Variants in VCPIP1 observed in about 807,000 individuals in gnomAD.
VCPIP1 encodes the protein valosin containing protein interacting protein 1.
VCPIP1 carries 8 observed loss-of-function variants against 85.0 expected under a neutral mutation model. That is an observed-to-expected ratio of 0.09 (90% CI 0.06 to 0.17). The LOEUF (loss-of-function observed/expected upper bound fraction) is 0.17. Ranked by LOEUF, VCPIP1 falls within the 10% of genes least tolerant of loss-of-function variation. VCPIP1 has a pLI of 1.00. For missense variants in VCPIP1, 1,070 were observed against 1,486.3 expected (o/e 0.72, Z 4.61); for synonymous variants, 543 against 544.5 (o/e 1.00, Z 0.04).
intron 2 of VCPIP1, among the ~76,000 whole-genome samples, chr8:66,646,218 G>A (rs116739031): frequency 0.02 from 3,036 of 151,900 alleles, 96 homozygotes; most frequent in African/African-American, 0.068. Flanking sequence ...GATTATGGGC[G>A]CATGCCACCA....
chr8:66,650,684 T>C (rs887995545), intron 2 of VCPIP1, among the ~76,000 whole-genome samples: 2 of 152,048 alleles, frequency 1.3e-5, no homozygotes, highest in African/African-American at 4.8e-5. Flanking sequence ...TATCTGGTTC[T>C]GGAATACTAG....
In VCPIP1 at chr8:66,633,818, G is replaced by A. The variant is rs1388526709; in HGVS notation, c.*683C>T. 2.0e-5 allele frequency: 3 copies of A among 151,584 alleles called. No homozygotes were observed. The highest frequency in any genetic ancestry group is 4.4e-5 in the Non-Finnish European group (3 of 67,948). The allele number at this position is 151,584 out of a possible 1,614,324, so 9.4% of individuals were successfully genotyped here. ...AAAATAATGGTAACATATTAATAGA[G>A]CACACACAATTGGCTGTGGCTCAGA... On this transcript the variant is annotated 3_prime_UTR_variant, in exon 3 of 3. Coordinates refer to ENST00000310421, the MANE Select transcript of VCPIP1 (RefSeq NM_025054.5).
rs1810870890 is a variant in VCPIP1 at position 66,635,028 on chromosome 8, T to C, written c.3142A>G (p.Thr1048Ala). 1 of 1,613,544 alleles carries C rather than the reference T, an allele frequency of 6.2e-7. No homozygotes were observed. Among genetic ancestry groups the C allele is most frequent in the Non-Finnish European group, 8.5e-7 (1 of 1,179,614 alleles). Residue 1048 changes from threonine to alanine, a missense_variant, in exon 3 of 3, where the codon ACT becomes GCT. Thr to Ala is a moderately conservative substitution (Grantham distance 58). Around this residue, in one of 8 missense-constraint regions of VCPIP1, gnomAD observed 255 missense variants for 289.5 expected, o/e 0.88. Transcript: ENST00000310421. ...GTATTATGCTTTCTTACAACTGAAG[T>C]TTCCCTAGCTCTTGGATCAAGGTGT... ...NPHLDPRARE[T>A]SVVRKHNTGT...
In VCPIP1 at chr8:66,628,727, TA is replaced by T. The variant is rs1810803456; in HGVS notation, c.*5773del. ...GTTTGGGATAACTGTAGCCAACACC[TA>T]AAGGAAAGGTAATTATGTTTTAGTT... is the stretch of plus-strand genomic sequence containing the variant. On this transcript the variant is annotated 3_prime_UTR_variant, in exon 3 of 3. Transcript: ENST00000310421. The T allele has an allele frequency of 6.6e-6, 1 of 152,274 alleles. No individual in the cohort carries two copies. The highest frequency in any genetic ancestry group is 1.9e-4 in the East Asian group (1 of 5,180). 9.4% of individuals were successfully genotyped at this position (152,274 alleles called of 1,614,324 possible).
chr8:66,660,123 C>T (rs1378145192), intron 1 of VCPIP1, among the ~76,000 whole-genome samples: 1 of 152,124 alleles, frequency 6.6e-6, no homozygotes, highest in Admixed American at 6.5e-5. Context: ...TAATGGAGGG[C>T]AAGCACTGAC....
Position 66,652,552 on chromosome 8 carries a change from G to T in VCPIP1, c.2711-1008C>A, listed in dbSNP as rs112125787. The stretch of plus-strand genomic sequence containing the variant: ...AGCTTGAACCCAGAAAGTGGAGGTT[G>T]CAGTGAGCTGAGATCGTGCCATTGC... On this transcript the variant is annotated intron_variant, in intron 1 of 2. Coordinates refer to ENST00000310421, the MANE Select transcript of VCPIP1 (RefSeq NM_025054.5). Among the ~76,000 whole-genome samples, 1,335 of 152,068 alleles carry T rather than the reference G, an allele frequency of 8.8e-3. 22 individuals carry two copies. The highest frequency in any genetic ancestry group is 0.03 in the African/African-American group (1,225 of 41,480).
Position 66,634,942 on chromosome 8 carries a change from A to G in VCPIP1, c.3228T>C (p.Ser1076=), listed in dbSNP as rs775448660. Residue 1076 remains serine (S), a synonymous_variant, in exon 3 of 3, where the codon TCT becomes TCC. Coordinates refer to ENST00000310421, the MANE Select transcript of VCPIP1 (RefSeq NM_025054.5). ...CTATTCGAATAAGCTCACTATTACTAGAAGAAGCTGTGAATACAGAAGGCT... is the reference window on the plus strand; with the variant it reads ...CTATTCGAATAAGCTCACTATTACTGGAAGAAGCTGTGAATACAGAAGGCT... The part of the protein sequence containing the change: ...KTEPSVFTAS[S]SNSELIRIAP... 1.2e-6 allele frequency: 2 copies of G among 1,613,536 alleles called. No homozygotes were observed. The highest frequency in any genetic ancestry group is 4.5e-5 in the East Asian group (2 of 44,880).
In VCPIP1 at chr8:66,664,818, C is replaced by A. The variant is rs993757716; in HGVS notation, c.2141G>T (p.Arg714Ile). 13 of 1,612,734 alleles carry A rather than the reference C, an allele frequency of 8.1e-6. No homozygotes were observed. In the Middle Eastern group the frequency reaches 8.2e-4, roughly 102 times the overall value. The change falls in exon 1 of 3, where the codon AGA becomes ATA. Residue 714 changes from arginine to isoleucine, a missense_variant. Transcript: ENST00000310421. ...KEELNMSKTERTIQQNITEQA... is the reference protein window; with the variant it reads ...KEELNMSKTEITIQQNITEQA... ...TTCCGTAATATTCTGTTGAATAGTT[C>A]TTTCAGTTTTACTCATGTTTAACTC...
At chr8:66,643,069 T>TC (rs1191690094) in intron 2 of VCPIP1, among the ~76,000 whole-genome samples, 1 of 152,214 alleles carries the variant, frequency 6.6e-6, no homozygotes, top group East Asian at 1.9e-4. Flanking sequence ...ACACCTGTAA[T>TC]CTCAGCACTT....
chr8:66,658,528 C>T (rs1033183477), intron 1 of VCPIP1, among the ~76,000 whole-genome samples: 7 of 151,742 alleles, frequency 4.6e-5, no homozygotes, highest in Non-Finnish European at 1.0e-4. Context: ...CTCACTCTGT[C>T]ACCAGGCTGG....
At chr8:66,635,985 T>C (rs1375837585) in intron 2 of VCPIP1, among the ~76,000 whole-genome samples, 1 of 149,338 alleles carries the variant, frequency 6.7e-6, no homozygotes, top group Non-Finnish European at 1.5e-5. Context: ...TCCCAGCACT[T>C]TGGGAGGCAG....
rs745363727 is a variant in VCPIP1 at position 66,666,248 on chromosome 8, G to C, written c.711C>G (p.Ala237=). ...ALVGRELFWH[A]LRENLKQHFQ... ...AGTGCTGTTTAAGATTCTCTCTTAA[G>C]GCATGCCAGAAGAGCTCTCGGCCTA... Residue 237 remains alanine, a synonymous_variant, in exon 1 of 3, where the codon GCC becomes GCG. Coordinates refer to ENST00000310421, the MANE Select transcript of VCPIP1 (RefSeq NM_025054.5). This position sits in a 1 kb window ranked among gnomAD's most constrained non-coding sequence, Gnocchi z 6.3. 1 of 1,613,892 alleles carries C rather than the reference G, an allele frequency of 6.2e-7. No individual in the cohort carries two copies. Among genetic ancestry groups the C allele is most frequent in the Non-Finnish European group, 8.5e-7 (1 of 1,180,010 alleles).
intron 2 of VCPIP1, among the ~76,000 whole-genome samples, 183 bp from the exon 3 acceptor site, chr8:66,635,555 A>G (rs1349687600): frequency 6.6e-6 from 1 of 152,230 alleles, no homozygotes; most frequent in Non-Finnish European, 1.5e-5. Context: ...ACCCTAAAGT[A>G]GTTCTCCCCA....
At chr8:66,662,959 G>A (rs1811171661) in intron 1 of VCPIP1, among the ~76,000 whole-genome samples, 1 of 151,906 alleles carries the variant, frequency 6.6e-6, no homozygotes, top group Non-Finnish European at 1.5e-5. Flanking sequence ...ACAAAAATTA[G>A]CTGGGCATGG....
At chr8:66,659,195 A>G (rs1811131162) in intron 1 of VCPIP1, among the ~76,000 whole-genome samples, 1 of 148,782 alleles carries the variant, frequency 6.7e-6, no homozygotes, top group Non-Finnish European at 1.5e-5. Context: ...CTGATCTACA[A>G]GAAATTTTTT....
chr8:66,644,885 G>A (rs1810979709), intron 2 of VCPIP1, among the ~76,000 whole-genome samples: 1 of 151,284 alleles, frequency 6.6e-6, no homozygotes, highest in African/African-American at 2.4e-5. Flanking sequence ...ATTACTTTGA[G>A]CTCAGGAGTT....
In VCPIP1 at chr8:66,636,614, G is replaced by A. The variant is rs538715620; in HGVS notation, c.2798-1242C>T. ...AAAAATTAGCCAGGCATGGTGGTGC[G>A]CGCCTGTAGTCCCAGCTACTCAGGA... On this transcript the variant is annotated intron_variant, in intron 2 of 2. Coordinates refer to ENST00000310421, the MANE Select transcript of VCPIP1 (RefSeq NM_025054.5). Among the ~76,000 whole-genome samples, 220 of 151,914 alleles carry A rather than the reference G, an allele frequency of 1.4e-3. 1 individual carries two copies. The highest frequency in any genetic ancestry group is 4.7e-3 in the African/African-American group (196 of 41,424).
Position 66,655,244 on chromosome 8 carries a change from G to A in VCPIP1, c.2711-3700C>T, listed in dbSNP as rs533325788. On this transcript the variant is annotated intron_variant, in intron 1 of 2. Transcript: ENST00000310421. ...TCTGACTTTTTACCCCCAGGGCCTCGCACAGTGCTGAACAGATGGCAACAC... is the reference window on the plus strand; with the variant it reads ...TCTGACTTTTTACCCCCAGGGCCTCACACAGTGCTGAACAGATGGCAACAC... Among the ~76,000 whole-genome samples, 16 of 152,262 alleles carry A rather than the reference G, an allele frequency of 1.1e-4. No homozygotes were observed. In the South Asian group the frequency reaches 2.5e-3, roughly 24 times the overall value.
At position 66,638,966 on chromosome 8, in the gene VCPIP1, CTCTCTA is replaced by C. The variant is rs1326172159; in HGVS notation, c.2798-3600_2798-3595del. Among the ~76,000 whole-genome samples, 118 of 131,008 alleles carry C rather than the reference CTCTCTA, an allele frequency of 9.0e-4. 1 individual carries two copies. The highest frequency in any genetic ancestry group is 1.2e-3 in the African/African-American group (34 of 29,092). 85.9% of individuals were successfully genotyped at this position (131,008 alleles called of 152,430 possible). A position where few individuals can be genotyped will look rare whatever the true frequency, so the allele number is the denominator to read the frequency against. ...TCTCTCTCTCTCTCTCTCTCTCTCT[CTCTCTA>C]TATATATATATATACATATATTTTG... On this transcript the variant is annotated intron_variant, in intron 2 of 2. Transcript: ENST00000310421.
Sources: gnomAD v4.1 joint callset for allele counts (sites outside exome capture counted in the v4.1 genomes callset) on GRCh38, gnomAD v4.1.1 for gene constraint, gnomAD v4.1.1 regional missense constraint, Gnocchi (gnomAD v3.1) non-coding constraint, MANE v1.5 for transcripts, NCBI Gene and HGNC (gene_info 2026-07-23, HGNC 2026-07-21) for gene names.